NRXN3: variants seen among roughly 807,000 people sequenced by gnomAD.
The protein encoded by NRXN3 is neurexin 3.
NRXN3 carries 32 observed loss-of-function variants against 137.6 expected under a neutral mutation model. The ratio of observed to expected loss-of-function variants is 0.23; its 90% confidence interval spans 0.18 to 0.31. NRXN3 has a LOEUF of 0.31. NRXN3 is among the 10% of genes least tolerant of loss of function. NRXN3 has a pLI of 1.00. For missense variants in NRXN3, 1,574 were observed against 2,062.5 expected (o/e 0.76, Z 4.59); for synonymous variants, 798 against 784.5 (o/e 1.02, Z -0.29).
chr14:79,517,523 A>G (rs1015053110), intron 16 of NRXN3, among the ~76,000 whole-genome samples: 20 of 152,104 alleles, frequency 1.3e-4, no homozygotes, highest in African/African-American at 4.6e-4. Context: ...ACTTAATTAG[A>G]AGGGAGGACT....
At chr14:78,807,625 C>T (rs915557066) in intron 9 of NRXN3, among the ~76,000 whole-genome samples, 4 of 151,310 alleles carry the variant, frequency 2.6e-5, no homozygotes, top group Non-Finnish European at 4.4e-5. Context: ...ATCCCAGCTA[C>T]TCGAGAGGCT....
At chr14:78,355,462 C>T (rs563535573) in intron 4 of NRXN3, among the ~76,000 whole-genome samples, 11 of 152,196 alleles carry the variant, frequency 7.2e-5, no homozygotes, top group South Asian at 4.1e-4. Context: ...ATTACCCAGG[C>T]GGGAGTGCAG....
At position 79,433,772 on chromosome 14, in the gene NRXN3, A is replaced by G. The variant is rs182778232; in HGVS notation, c.3263-33449A>G. On this transcript the variant is annotated intron_variant, in intron 15 of 20. Transcript: ENST00000335750. ...ACACTTGCCATTTTTTATTCATTATATCTGGTCTAGATGGGTCTAGCTAAA... is the reference window on the plus strand; with the variant it reads ...ACACTTGCCATTTTTTATTCATTATGTCTGGTCTAGATGGGTCTAGCTAAA... 4.6e-5 allele frequency among the ~76,000 whole-genome samples: 7 copies of G among 152,320 alleles called. No individual in the cohort carries two copies. The East Asian group carries it at 1.3e-3, about 29-fold the overall frequency.
chr14:79,515,111 T>C (rs2096969941), intron 16 of NRXN3, among the ~76,000 whole-genome samples: 1 of 150,506 alleles, frequency 6.6e-6, no homozygotes, highest in African/African-American at 2.5e-5. Flanking sequence ...CACTGGTGCC[T>C]GTTACAGGGA....
intron 17 of NRXN3, among the ~76,000 whole-genome samples, chr14:79,667,537 T>C (rs1445764953): frequency 6.6e-6 from 1 of 152,050 alleles, no homozygotes; most frequent in Non-Finnish European, 1.5e-5. Flanking sequence ...ACAGGGCATG[T>C]AGCACTGGCT....
chr14:79,224,868 G>T (rs1039015959), intron 15 of NRXN3, among the ~76,000 whole-genome samples: 1 of 152,168 alleles, frequency 6.6e-6, no homozygotes, highest in Non-Finnish European at 1.5e-5. Flanking sequence ...ACTACCAACA[G>T]CTAGAAGACT....
chr14:78,938,854 T>TTC (rs1567760061), intron 10 of NRXN3, among the ~76,000 whole-genome samples: 7 of 144,932 alleles, frequency 4.8e-5, no homozygotes, highest in South Asian at 2.1e-4. Flanking sequence ...TTTTCTTTTT[T>TTC]TTTTTTTTTT....
intron 4 of NRXN3, among the ~76,000 whole-genome samples, chr14:78,519,841 G>T (rs894593008): frequency 1.3e-5 from 2 of 152,164 alleles, no homozygotes; most frequent in Non-Finnish European, 2.9e-5. Flanking sequence ...TAGCTTTAGA[G>T]AAGTTTAGAG....
chr14:78,751,040 G>A (rs1443535824), intron 8 of NRXN3, among the ~76,000 whole-genome samples: 1 of 152,196 alleles, frequency 6.6e-6, no homozygotes, highest in Non-Finnish European at 1.5e-5. Flanking sequence ...GTGGAGGAGA[G>A]ATAGTAAGAG....
intron 15 of NRXN3, among the ~76,000 whole-genome samples, chr14:79,127,590 A>G (rs2152946803): frequency 1.3e-5 from 2 of 152,298 alleles, no homozygotes; most frequent in Middle Eastern, 6.8e-3. Context: ...CTTGTAGTAT[A>G]GTTTGAAGTC....
chr14:78,173,023 G>T (rs1348165891), intron 1 of NRXN3, among the ~76,000 whole-genome samples: 2 of 152,130 alleles, frequency 1.3e-5, no homozygotes, highest in Non-Finnish European at 2.9e-5. Context: ...ACTGATGCTT[G>T]GGGTTTTGAG....
intron 4 of NRXN3, among the ~76,000 whole-genome samples, chr14:78,543,968 A>G (rs1211198006): frequency 6.6e-6 from 1 of 152,162 alleles, no homozygotes; most frequent in Non-Finnish European, 1.5e-5. Flanking sequence ...AATGAATATT[A>G]AAACTCTCTG....
chr14:79,526,681 G>A (rs2097123604), intron 16 of NRXN3, among the ~76,000 whole-genome samples: 1 of 152,162 alleles, frequency 6.6e-6, no homozygotes, highest in South Asian at 2.1e-4. Context: ...CAGTATACCT[G>A]CTGTCCTAGA....
At chr14:79,200,125 G>A (rs2065759695) in intron 15 of NRXN3, 1 of 152,108 alleles carries the variant, frequency 6.6e-6, no homozygotes, top group Non-Finnish European at 1.5e-5. Context: ...AGAAGGAGAG[G>A]AAAGTGGTCA....
chr14:79,181,133 T>C (rs1342823950), intron 15 of NRXN3, among the ~76,000 whole-genome samples: 6 of 151,816 alleles, frequency 4.0e-5, no homozygotes, highest in Admixed American at 6.6e-5. Context: ...AAGTATGAAC[T>C]TGGTCTATAA....
chr14:78,752,845 C>T (rs977142759), intron 8 of NRXN3, among the ~76,000 whole-genome samples: 3 of 152,246 alleles, frequency 2.0e-5, no homozygotes, highest in Admixed American at 6.5e-5. Context: ...TCATTAGGAG[C>T]TTTATTCTAA....
At chr14:79,576,335 G>A (rs542359837) in intron 16 of NRXN3, among the ~76,000 whole-genome samples, 1 of 152,096 alleles carries the variant, frequency 6.6e-6, no homozygotes, top group Non-Finnish European at 1.5e-5. Context: ...CAAATAGAAA[G>A]AGAGAAATCA....
intron 6 of NRXN3, among the ~76,000 whole-genome samples, chr14:78,656,860 G>A (rs547206291): frequency 5.9e-5 from 9 of 151,992 alleles, no homozygotes; most frequent in East Asian, 3.9e-4. Flanking sequence ...TGGCTGACAC[G>A]GTGAAACCCC....
intron 19 of NRXN3, among the ~76,000 whole-genome samples, chr14:79,795,481 A>G (rs1325059816): frequency 2.0e-5 from 3 of 152,186 alleles, no homozygotes; most frequent in Non-Finnish European, 4.4e-5. Context: ...ATAAATTCTC[A>G]ATCGAAAGCT....
Sources: gnomAD v4.1 joint callset for allele counts (sites outside exome capture counted in the v4.1 genomes callset) on GRCh38, gnomAD v4.1.1 for gene constraint, MANE v1.5 for transcripts, NCBI Gene and HGNC (gene_info 2026-07-23, HGNC 2026-07-21) for gene names.